Variants in ADK observed in about 807,000 individuals in gnomAD.
ADK encodes adenosine kinase, also known as N6,N6-dimethyladenosine kinase.
Under a neutral mutation model 44.7 loss-of-function variants are expected in ADK, and 24 were observed. That is an observed-to-expected ratio of 0.54 (90% CI 0.39 to 0.76). The LOEUF is 0.76. Among genes scored for constraint, ADK ranks in the 30% least tolerant of loss-of-function variants. ADK has a pLI of 0.00. For synonymous variants in ADK, 128 were observed against 142.6 expected, an observed-to-expected ratio of 0.90 and a Z score of 0.73; for missense variants, 321 against 425.1, an observed-to-expected ratio of 0.76 and a Z score of 2.15.
At chr10:74,302,101 G>GTTTTTTTTTTTTT (rs1564642239) in intron 3 of ADK, among the ~76,000 whole-genome samples, 2 of 11,708 alleles carry the variant, frequency 1.7e-4, no homozygotes, top group African/African-American at 2.8e-4. Flanking sequence ...TTTTTTTTTT[G>GTTTTTTTTTTTTT]TTTGTTTGTT....
chr10:74,517,303 C>T (rs1848625236), intron 6 of ADK, among the ~76,000 whole-genome samples: 1 of 152,112 alleles, frequency 6.6e-6, no homozygotes, highest in Non-Finnish European at 1.5e-5. Flanking sequence ...CCTCATTTTA[C>T]TTCCTTTTTT....
At chr10:74,279,226 T>G (rs1293679137) in intron 3 of ADK, among the ~76,000 whole-genome samples, 2 of 151,658 alleles carry the variant, frequency 1.3e-5, no homozygotes, top group African/African-American at 2.4e-5. Context: ...GTTGCAGTGA[T>G]CCGAGATTGC....
intron 4 of ADK, among the ~76,000 whole-genome samples, chr10:74,358,841 G>A (rs539509904): frequency 1.3e-4 from 20 of 152,230 alleles, no homozygotes; most frequent in South Asian, 1.0e-3. Context: ...ATATTGAATC[G>A]TTTTTTAAAT....
intron 3 of ADK, among the ~76,000 whole-genome samples, chr10:74,256,772 T>G (rs1244257636): frequency 1.3e-5 from 2 of 152,210 alleles, no homozygotes; most frequent in Non-Finnish European, 2.9e-5. Context: ...AAGCCACTGA[T>G]ATTTTGCAGT....
intron 6 of ADK, among the ~76,000 whole-genome samples, chr10:74,492,000 TA>T: frequency 6.6e-6 from 1 of 152,220 alleles, no homozygotes; most frequent in East Asian, 1.9e-4. Context: ...AAAACTAGTT[TA>T]ATGAATTCCC....
intron 1 of ADK, among the ~76,000 whole-genome samples, chr10:74,175,768 T>TA (rs925242509): frequency 6.6e-6 from 1 of 152,038 alleles, no homozygotes; most frequent in Non-Finnish European, 1.5e-5. Context: ...TCTACAAAAA[T>TA]AAAAAAATGA....
At chr10:74,234,488 A>T (rs1844889372) in intron 3 of ADK, among the ~76,000 whole-genome samples, 1 of 152,180 alleles carries the variant, frequency 6.6e-6, no homozygotes, top group Non-Finnish European at 1.5e-5. Flanking sequence ...ACTTCTTTGG[A>T]GGAGTGATAT....
chr10:74,642,836 T>TC (rs1853918950), intron 9 of ADK, among the ~76,000 whole-genome samples: 1 of 146,458 alleles, frequency 6.8e-6, no homozygotes, highest in Non-Finnish European at 1.5e-5. Context: ...TCTTTTTTTT[T>TC]TTTTTTTTTT....
At chr10:74,198,220 G>T (rs548813216) in intron 1 of ADK, among the ~76,000 whole-genome samples, 1 of 152,238 alleles carries the variant, frequency 6.6e-6, no homozygotes, top group African/African-American at 2.4e-5. Flanking sequence ...AGATTTTACT[G>T]TATTTGTCTG....
At chr10:74,617,945 T>C (rs1434328218) in intron 9 of ADK, among the ~76,000 whole-genome samples, 1 of 152,194 alleles carries the variant, frequency 6.6e-6, no homozygotes, top group Non-Finnish European at 1.5e-5. Flanking sequence ...TTTATAATTC[T>C]CACGTCTTCC....
intron 9 of ADK, among the ~76,000 whole-genome samples, chr10:74,648,860 T>G (rs765965821): frequency 3.3e-5 from 5 of 152,070 alleles, no homozygotes; most frequent in Non-Finnish European, 7.4e-5. Flanking sequence ...AGGATTTTAA[T>G]TGTAATTGCC....
chr10:74,557,439 G>A (rs1564790812), intron 7 of ADK, among the ~76,000 whole-genome samples: 1 of 152,126 alleles, frequency 6.6e-6, no homozygotes, highest in Non-Finnish European at 1.5e-5. Flanking sequence ...TCTTATGGTT[G>A]AATGTTATTT....
At chr10:74,431,513 G>A (rs1844998365) in intron 6 of ADK, among the ~76,000 whole-genome samples, 1 of 152,106 alleles carries the variant, frequency 6.6e-6, no homozygotes, top group Non-Finnish European at 1.5e-5. Flanking sequence ...GGCCGAGGTG[G>A]GCAGATCACT....
intron 3 of ADK, among the ~76,000 whole-genome samples, chr10:74,247,639 A>C (rs1845473112): frequency 6.6e-6 from 1 of 152,300 alleles, no homozygotes; most frequent in African/African-American, 2.4e-5. Context: ...TATTAAGTAC[A>C]TGAGTAAATT....
At chr10:74,667,768 C>T (rs758732807) in intron 9 of ADK, among the ~76,000 whole-genome samples, 3 of 151,794 alleles carry the variant, frequency 2.0e-5, no homozygotes, top group Admixed American at 6.6e-5. Flanking sequence ...CTCCTGACCT[C>T]GTGATCTGCC....
Position 74,331,816 on chromosome 10 carries a change from T to A in ADK, c.273+17071T>A, listed in dbSNP as rs144429892. Among the ~76,000 whole-genome samples, 483 of 152,220 alleles carry A rather than the reference T, an allele frequency of 3.2e-3. 7 individuals carry two copies. The highest frequency in any genetic ancestry group is 0.019 in the East Asian group (97 of 5,172). On this transcript the variant is annotated intron_variant, in intron 4 of 10. Transcript: ENST00000539909. ...TTATATTTCTTTAACTTCATATCATTTGCTGTAGTTAGCTGGATCATATTT... is the reference window on the plus strand; with the variant it reads ...TTATATTTCTTTAACTTCATATCATATGCTGTAGTTAGCTGGATCATATTT...
At chr10:74,692,598 T>A (rs1856034175) in intron 10 of ADK, among the ~76,000 whole-genome samples, 1 of 152,240 alleles carries the variant, frequency 6.6e-6, no homozygotes, top group South Asian at 2.1e-4. Context: ...ACATACTGTG[T>A]GATTCTAACT....
intron 3 of ADK, among the ~76,000 whole-genome samples, chr10:74,285,200 A>T (rs1847114086): frequency 6.6e-6 from 1 of 152,218 alleles, no homozygotes. Context: ...TAGAGGAGGG[A>T]TATCTAGTTT....
At chr10:74,427,943 T>C (rs1844860312) in intron 6 of ADK, among the ~76,000 whole-genome samples, 1 of 151,980 alleles carries the variant, frequency 6.6e-6, no homozygotes, top group Admixed American at 6.6e-5. Context: ...AAACCGAAGG[T>C]GTTTGTGGGG....
Sources: allele counts gnomAD v4.1 joint callset (sites outside exome capture counted in the v4.1 genomes callset), GRCh38; gene constraint gnomAD v4.1.1; transcripts MANE v1.5; gene names NCBI Gene and HGNC (gene_info 2026-07-23, HGNC 2026-07-21).